GASK1B: variants seen among roughly 807,000 people sequenced by gnomAD.
GASK1B encodes golgi associated kinase 1B.
In GASK1B, 34 loss-of-function variants were observed where a neutral mutation model predicts 42.8. The ratio of observed to expected loss-of-function variants is 0.79; its 90% confidence interval spans 0.60 to 1.06. The LOEUF (loss-of-function observed/expected upper bound fraction) is 1.06. GASK1B is among the 50% of genes least tolerant of loss of function. The pLI is 0.00. For missense variants in GASK1B, 686 were observed against 661.0 expected (o/e 1.04, Z -0.42); for synonymous variants, 262 against 259.1 (o/e 1.01, Z -0.11).
chr4:158,130,903 A>G lies in GASK1B; in HGVS notation c.1235T>C (p.Leu412Pro). The change falls in exon 4 of 5, where the codon CTA (leucine) becomes CCA (proline). Residue 412 changes from leucine (L) to proline (P), a missense_variant. Transcript: ENST00000585682. ...PKCDDQGSAA[L>P]AHIIQRKHDP... ...ATGCTTTCGCTGGATAATGTGTGCT[A>G]GAGCCGCAGAACCTTGGTCATCACA... 6.2e-7 allele frequency: 1 copy of G among 1,614,156 alleles called. No homozygotes were observed.
At chr4:158,139,087 A>G (rs560600413) in intron 3 of GASK1B, among the ~76,000 whole-genome samples, 4 of 152,332 alleles carry the variant, frequency 2.6e-5, no homozygotes, top group African/African-American at 9.6e-5. Flanking sequence ...ATTACAATTG[A>G]AGAAAAATGT....
intron 1 of GASK1B, chr4:158,172,358 G>A (rs182380342): frequency 1.1e-4 from 17 of 152,258 alleles, no homozygotes; most frequent in Admixed American, 1.0e-3. Flanking sequence ...CCCATGCTTG[G>A]CTCCAGGAAG....
At chr4:158,140,662 A>G (rs1387026218) in intron 3 of GASK1B, among the ~76,000 whole-genome samples, 1 of 152,152 alleles carries the variant, frequency 6.6e-6, no homozygotes, top group Non-Finnish European at 1.5e-5. Context: ...CAGACTGTCT[A>G]TGGTTCAATG....
intron 2 of GASK1B, among the ~76,000 whole-genome samples, chr4:158,164,666 C>T (rs549783482): frequency 6.6e-6 from 1 of 152,256 alleles, no homozygotes; most frequent in Admixed American, 6.5e-5. Flanking sequence ...AGAAAGTTTG[C>T]CTATATGTCA....
chr4:158,171,557 C>A lies in GASK1B; in HGVS notation c.-182G>T, dbSNP rs1732540813. On this transcript the variant is annotated 5_prime_UTR_variant, in exon 2 of 5. It adds an upstream start codon to the 5' untranslated region. Coordinates refer to ENST00000585682, the MANE Select transcript of GASK1B (RefSeq NM_001128424.2). ...TGGGAATGTTTCTGACACAACAAACCTTTTAAATTATCAGTCTCCCCAAGG... is the reference window on the plus strand; with the variant it reads ...TGGGAATGTTTCTGACACAACAAACATTTTAAATTATCAGTCTCCCCAAGG... 3.7e-6 allele frequency: 2 copies of A among 542,226 alleles called. No individual in the cohort carries two copies. Among genetic ancestry groups the A allele is most frequent in the Non-Finnish European group, 3.0e-6 (1 of 330,884 alleles). The allele number at this position is 542,226 out of a possible 1,614,324, so 33.6% of individuals were successfully genotyped here. A position where few individuals can be genotyped will look rare whatever the true frequency, so the allele number is the denominator to read the frequency against.
rs144014624 is a variant in GASK1B at position 158,155,825 on chromosome 4, T to C, written c.911A>G (p.Asp304Gly). ...SVSRKAEFIQ[D>G]GRPCPIILWD... ...AAGAATGATGGGGCATGGGCGGCCA[T>C]CTATAGAATCAGAAAAACAAACACA... The change falls in exon 3 of 5, where the codon GAT (aspartate) becomes GGT (glycine). Residue 304 changes from aspartate (D) to glycine (G), a missense_variant and splice_region_variant. Transcript: ENST00000585682. 18 of 1,613,098 alleles carry C rather than the reference T, an allele frequency of 1.1e-5. No homozygotes were observed. Among genetic ancestry groups the C allele is most frequent in the South Asian group, 2.2e-5 (2 of 91,052 alleles).
chr4:158,134,860 A>G (rs1435351001), intron 3 of GASK1B, among the ~76,000 whole-genome samples: 1 of 152,186 alleles, frequency 6.6e-6, no homozygotes, highest in Non-Finnish European at 1.5e-5. Flanking sequence ...ACCAAAACCC[A>G]TTAGAAATCT....
At chr4:158,158,458 GAA>G (rs1731840930) in intron 2 of GASK1B, among the ~76,000 whole-genome samples, 1 of 151,948 alleles carries the variant, frequency 6.6e-6, no homozygotes, top group South Asian at 2.1e-4. Flanking sequence ...TCTACCAGGA[GAA>G]AGAGGCAAAA....
chr4:158,167,538 G>A (rs1732275454), intron 2 of GASK1B, among the ~76,000 whole-genome samples: 1 of 152,124 alleles, frequency 6.6e-6, no homozygotes, highest in Non-Finnish European at 1.5e-5. Flanking sequence ...ACTGTTTAGA[G>A]TCCAAGGAAC....
At chr4:158,136,654 A>AG (rs1438625242) in intron 3 of GASK1B, among the ~76,000 whole-genome samples, 4 of 152,152 alleles carry the variant, frequency 2.6e-5, no homozygotes, top group African/African-American at 9.7e-5. Flanking sequence ...CACCTCTTTA[A>AG]GGGTCTAAGT....
chr4:158,162,738 G>A (rs568020345), intron 2 of GASK1B, among the ~76,000 whole-genome samples: 2 of 152,290 alleles, frequency 1.3e-5, no homozygotes, highest in Admixed American at 6.5e-5. Flanking sequence ...ATCATGAAAA[G>A]GGGAACAGTT....
intron 3 of GASK1B, among the ~76,000 whole-genome samples, chr4:158,139,181 C>T (rs562976778): frequency 6.6e-6 from 1 of 152,322 alleles, no homozygotes; most frequent in South Asian, 2.1e-4. Flanking sequence ...TACCACGATG[C>T]TTCCCCTGCT....
At chr4:158,155,901 C>T in intron 2 of GASK1B, 76 bp from the exon 3 acceptor site, 4 of 1,176,386 alleles carry the variant, frequency 3.4e-6, no homozygotes, top group Non-Finnish European at 5.0e-6. Flanking sequence ...GTCGTTCACT[C>T]TTTCACAGTC....
At chr4:158,142,101 C>T (rs1489336677) in intron 3 of GASK1B, among the ~76,000 whole-genome samples, 1 of 149,624 alleles carries the variant, frequency 6.7e-6, no homozygotes, top group Admixed American at 6.7e-5. Context: ...CCCGCCACCA[C>T]GCCCGGCTAA....
Position 158,170,824 on chromosome 4 carries a change from C to G in GASK1B, c.552G>C (p.Arg184=), listed in dbSNP as rs763972505. The change falls in exon 2 of 5, where the codon CGG becomes CGC. Residue 184 remains arginine (R), a synonymous_variant. Coordinates refer to ENST00000585682, the MANE Select transcript of GASK1B (RefSeq NM_001128424.2). ...GGCCCCCGGCTCGCACTCCCGGACC[C>G]CGCACCAACCTCCAGGGTCGCTCTC... The part of the protein sequence containing the change: ...KIGERPWRLV[R]GPGVRAGGPD... 2 of 1,614,208 alleles carry G rather than the reference C, an allele frequency of 1.2e-6. No homozygotes were observed. Among genetic ancestry groups the G allele is most frequent in the Non-Finnish European group, 1.7e-6 (2 of 1,180,032 alleles).
intron 2 of GASK1B, chr4:158,170,083 G>A: frequency 1.4e-6 from 1 of 697,812 alleles, no homozygotes; most frequent in Non-Finnish European, 2.4e-6. Flanking sequence ...TCCTCCCATA[G>A]TAACCTATTT....
At chr4:158,138,063 C>T (rs1048726399) in intron 3 of GASK1B, among the ~76,000 whole-genome samples, 1 of 152,080 alleles carries the variant, frequency 6.6e-6, no homozygotes, top group Non-Finnish European at 1.5e-5. Context: ...ATAAATGACA[C>T]GTAATGACAC....
At chr4:158,137,417 T>C (rs1730939586) in intron 3 of GASK1B, among the ~76,000 whole-genome samples, 1 of 152,204 alleles carries the variant, frequency 6.6e-6, no homozygotes, top group Admixed American at 6.5e-5. Flanking sequence ...GTGAGAATCG[T>C]TATCATTACC....
chr4:158,155,765 G>A lies in GASK1B; in HGVS notation c.971C>T (p.Thr324Ile). 1 of 1,613,864 alleles carries A rather than the reference G, an allele frequency of 6.2e-7. No homozygotes were observed. The highest frequency in any genetic ancestry group is 8.5e-7 in the Non-Finnish European group (1 of 1,179,806). ...CCAGGTGAGCTTAACAGAAGAATGG[G>A]TGTCATTACTTGCTGAAGATAAAGA... is the stretch of plus-strand genomic sequence containing the variant. ...DASLSSASND[T>I]HSSVKLTWGT... Residue 324 changes from threonine (T) to isoleucine (I), a missense_variant, in exon 3 of 5, where the codon ACC (threonine) becomes ATC (isoleucine). Thr to Ile is a moderately conservative substitution (Grantham distance 89). Coordinates refer to ENST00000585682, the MANE Select transcript of GASK1B (RefSeq NM_001128424.2).
Sources: gnomAD v4.1 joint callset for allele counts (sites outside exome capture counted in the v4.1 genomes callset) on GRCh38, gnomAD v4.1.1 for gene constraint, MANE v1.5 for transcripts, NCBI Gene and HGNC (gene_info 2026-07-23, HGNC 2026-07-21) for gene names.